EXOC3L1: variants seen among roughly 807,000 people sequenced by gnomAD.
The protein encoded by EXOC3L1 is exocyst complex component 3-like protein.
A neutral mutation model predicts 83.6 loss-of-function variants in EXOC3L1; 79 were observed. The ratio of observed to expected loss-of-function variants is 0.95; its 90% CI spans 0.79 to 1.14. The LOEUF is 1.14. Among genes scored for constraint, EXOC3L1 ranks in the 50% most tolerant of loss-of-function variants. EXOC3L1 has a pLI of 0.00. For missense variants in EXOC3L1, 945 were observed against 972.0 expected (o/e 0.97, Z 0.37); for synonymous variants, 433 against 451.2 (o/e 0.96, Z 0.51).
In EXOC3L1 at chr16:67,184,810, C is replaced by G. The variant is rs746111806; in HGVS notation, c.1906G>C (p.Gly636Arg). The G allele has an allele frequency of 3.1e-6, 5 of 1,603,286 alleles. No individual in the cohort carries two copies. The highest frequency in any genetic ancestry group is 4.2e-6 in the Non-Finnish European group (5 of 1,179,628). Residue 636 changes from glycine to arginine, a missense_variant and splice_region_variant, in exon 13 of 14, where the codon GGC (glycine) becomes CGC (arginine). Transcript: ENST00000314586. ...AQLQQLFLSL[G>R]LEENAHCAPV... ...GCGCAGTGCGCGTTCTCCTCCAGGC[C>G]CTGAGCACGTCGGGGTAGGGTCTCG...
chr16:67,189,788 C>A, intron 1 of EXOC3L1, 105 bp from the exon 2 acceptor site: 1 of 1,169,592 alleles, frequency 8.5e-7, no homozygotes, highest in South Asian at 1.3e-5. Flanking sequence ...GAAGGAGGTT[C>A]TTCCCGGCCC....
In EXOC3L1 at chr16:67,187,311, G is replaced by A; in HGVS notation, c.954C>T (p.Arg318=). ...GCCCTGCAAGGAGGTTCTGCAGGCT[G>A]CGGCGCAAACCACTATGCAGCGTGT... The part of the protein sequence containing the change: ...WAHTLHSGLR[R]SLQNLLAGPE... Residue 318 remains arginine (R), a synonymous_variant, in exon 5 of 14, where the codon CGC becomes CGT. Transcript: ENST00000314586. 6.2e-7 allele frequency: 1 copy of A among 1,612,992 alleles called. No individual in the cohort carries two copies. Among genetic ancestry groups the A allele is most frequent in the Non-Finnish European group, 8.5e-7 (1 of 1,180,014 alleles).
At chr16:67,189,897 CA>C in intron 1 of EXOC3L1, 73 bp downstream of exon 1, 1 of 594,860 alleles carries the variant, frequency 1.7e-6, no homozygotes, top group Non-Finnish European at 3.0e-6. Context: ...TCAAGCGAGA[CA>C]GAGTGGGCAC....
rs375475698 is a variant in EXOC3L1 at position 67,188,732 on chromosome 16, C to T, written c.416G>A (p.Arg139Gln). The change falls in exon 4 of 14, where the codon CGG becomes CAG. Residue 139 changes from arginine (R) to glutamine (Q), a missense_variant. Coordinates refer to ENST00000314586, the MANE Select transcript of EXOC3L1 (RefSeq NM_178516.4). ...QLQALSHLLP[R>Q]LRAVPAAVSH... Reference sequence around the variant, plus strand: ...CCCTGCATGCTCACCTGCCCGCAGCCGAGGCAGCAGGTGAGACAGGGCCTG... The same window carrying T: ...CCCTGCATGCTCACCTGCCCGCAGCTGAGGCAGCAGGTGAGACAGGGCCTG... The T allele has an allele frequency of 5.7e-5, 91 of 1,610,134 alleles. No individual in the cohort carries two copies. The highest frequency in any genetic ancestry group is 8.3e-5 in the Admixed American group (5 of 59,988).
chr16:67,189,915 C>T (rs1359197672), intron 1 of EXOC3L1, 56 bp downstream of exon 1: 3 of 581,144 alleles, frequency 5.2e-6, no homozygotes, highest in African/African-American at 1.9e-5. Flanking sequence ...GCACAGGCCT[C>T]CACTGGACCC....
In EXOC3L1 at chr16:67,184,823, G is replaced by A; in HGVS notation, c.1906-13C>T. On this transcript the variant is annotated splice_polypyrimidine_tract_variant and intron_variant, in intron 12 of 13. Coordinates refer to ENST00000314586, the MANE Select transcript of EXOC3L1 (RefSeq NM_178516.4). The stretch of plus-strand genomic sequence containing the variant: ...TCTCCTCCAGGCCCTGAGCACGTCG[G>A]GGTAGGGTCTCGCGCCAGCCCTCTC... The A allele has an allele frequency of 6.2e-7, 1 of 1,604,686 alleles. No individual in the cohort carries two copies. Among genetic ancestry groups the A allele is most frequent in the Non-Finnish European group, 8.5e-7 (1 of 1,179,706 alleles).
Position 67,190,052 on chromosome 16 carries a change from C to T in EXOC3L1, c.-89G>A, listed in dbSNP as rs532765937. The T allele has an allele frequency of 2.5e-5, 5 of 199,310 alleles. No homozygotes were observed. The highest frequency in any genetic ancestry group is 2.3e-4 in the South Asian group (2 of 8,866). The allele number at this position is 199,310 out of a possible 1,614,324, so 12.3% of individuals were successfully genotyped here. ...GCCCTCTCCCCAATGCAGCTGGGCA[C>T]GCCTGCCACTTGCTCACAGGGCCTG... is the stretch of plus-strand genomic sequence containing the variant. On this transcript the variant is annotated 5_prime_UTR_variant, in exon 1 of 14. In the 5' UTR this introduces an upstream ATG that the reference lacks. Coordinates refer to ENST00000314586, the MANE Select transcript of EXOC3L1 (RefSeq NM_178516.4).
Position 67,188,839 on chromosome 16 carries a change from G to C in EXOC3L1, c.309C>G (p.Ala103=), listed in dbSNP as rs759120262. 1 of 1,613,174 alleles carries C rather than the reference G, an allele frequency of 6.2e-7. No individual in the cohort carries two copies. Among genetic ancestry groups the C allele is most frequent in the East Asian group, 2.2e-5 (1 of 44,900 alleles). The part of the protein sequence containing the change: ...VQGTREALSQ[A]RGLLQGMSQA... ...GGGACATGCCCTGGAGCAACCCACG[G>C]GCCTGGCTCAGGGCCTCCCGGGTTC... Residue 103 remains alanine (A), a synonymous_variant, in exon 4 of 14, where the codon GCC becomes GCG. Coordinates refer to ENST00000314586, the MANE Select transcript of EXOC3L1 (RefSeq NM_178516.4).
chr16:67,184,515 A>C lies in EXOC3L1; in HGVS notation c.2120T>G (p.Leu707Arg), dbSNP rs1307887304. 1 of 1,520,066 alleles carries C rather than the reference A, an allele frequency of 6.6e-7. No homozygotes were observed. The highest frequency in any genetic ancestry group is 1.2e-5 in the South Asian group (1 of 82,286). The allele number at this position is 1,520,066 out of a possible 1,614,324, so 94.2% of individuals were successfully genotyped here. ...LAALSSLQAA[L>R]PPSPRASRRV... ...GCGGCTCGCGCGGGGCGACGGCGGCAGCGCAGCCTGCAGGGAGCTGAGCGC... is the reference window on the plus strand; with the variant it reads ...GCGGCTCGCGCGGGGCGACGGCGGCCGCGCAGCCTGCAGGGAGCTGAGCGC... Residue 707 changes from leucine (L) to arginine (R), a missense_variant, in exon 14 of 14, where the codon CTG becomes CGG. Transcript: ENST00000314586.
Position 67,184,465 on chromosome 16 carries a change from C to G in EXOC3L1, c.2170G>C (p.Ala724Pro). The G allele has an allele frequency of 1.3e-6, 2 of 1,528,900 alleles. No individual in the cohort carries two copies. Among genetic ancestry groups the G allele is most frequent in the Non-Finnish European group, 1.7e-6 (2 of 1,144,038 alleles). 94.7% of individuals were successfully genotyped at this position (1,528,900 alleles called of 1,614,324 possible). A position where few individuals can be genotyped will look rare whatever the true frequency, so the allele number is the denominator to read the frequency against. The change falls in exon 14 of 14, where the codon GCG becomes CCG. Residue 724 changes from alanine to proline, a missense_variant. Ala to Pro is a conservative substitution (Grantham distance 27, BLOSUM62 -1). Coordinates refer to ENST00000314586, the MANE Select transcript of EXOC3L1 (RefSeq NM_178516.4). ...CAGGAGGCCGGCGCGAGCGCGGGCG[C>G]GGGCACTAGGCTGAAGAGGACGCGG... ...SRRVLFSLVP[A>P]PALAPASCLP... is the part of the protein sequence containing the mutation.
In EXOC3L1 at chr16:67,184,456, G is replaced by A; in HGVS notation, c.2179C>T (p.Leu727Phe). The A allele has an allele frequency of 6.5e-7, 1 of 1,528,768 alleles. No individual in the cohort carries two copies. The highest frequency in any genetic ancestry group is 8.7e-7 in the Non-Finnish European group (1 of 1,143,994). 94.7% of individuals were successfully genotyped at this position (1,528,768 alleles called of 1,614,324 possible). The change falls in exon 14 of 14, where the codon CTC becomes TTC. Residue 727 changes from leucine (L) to phenylalanine (F), a missense_variant. Leu to Phe is a conservative substitution (Grantham distance 22). Coordinates refer to ENST00000314586, the MANE Select transcript of EXOC3L1 (RefSeq NM_178516.4). ...VLFSLVPAPA[L>F]APASCLPSGS... ...GAGGGCAGGCAGGAGGCCGGCGCGAGCGCGGGCGCGGGCACTAGGCTGAAG... is the reference window on the plus strand; with the variant it reads ...GAGGGCAGGCAGGAGGCCGGCGCGAACGCGGGCGCGGGCACTAGGCTGAAG...
In EXOC3L1 at chr16:67,189,058, C is replaced by G. The variant is rs1168225180; in HGVS notation, c.169G>C (p.Glu57Gln). ...LARLGQYRSR[E>Q]VQRTCSLESR... ...TCCAGGGAGCAGGTACGCTGCACCT[C>G]GCGGCTGCGGTACTGGCCTAGCCTG... is the stretch of plus-strand genomic sequence containing the variant. Residue 57 changes from glutamate (E) to glutamine (Q), a missense_variant, in exon 3 of 14, where the codon GAG (glutamate) becomes CAG (glutamine). Coordinates refer to ENST00000314586, the MANE Select transcript of EXOC3L1 (RefSeq NM_178516.4). 1.9e-6 allele frequency: 3 copies of G among 1,607,002 alleles called. No homozygotes were observed. Among genetic ancestry groups the G allele is most frequent in the Non-Finnish European group, 1.7e-6 (2 of 1,177,432 alleles).
In EXOC3L1 at chr16:67,187,093, C is replaced by A. The variant is rs2032750280; in HGVS notation, c.1086G>T (p.Val362=). ...GSLELGPEAD[V]SQLEPLLTLE... ...AGGTCAGAAGGGGCTCCAGCTGGGA[C>A]ACATCAGCCTCAGGCCCCAACTCCA... Residue 362 remains valine (V), a synonymous_variant, in exon 6 of 14, where the codon GTG becomes GTT. Coordinates refer to ENST00000314586, the MANE Select transcript of EXOC3L1 (RefSeq NM_178516.4). The A allele has an allele frequency of 1.2e-6, 2 of 1,613,546 alleles. No individual in the cohort carries two copies. The highest frequency in any genetic ancestry group is 1.7e-6 in the Non-Finnish European group (2 of 1,180,022).
chr16:67,188,307 G>A (rs2032786713), intron 4 of EXOC3L1, among the ~76,000 whole-genome samples: 1 of 152,136 alleles, frequency 6.6e-6, no homozygotes, highest in Non-Finnish European at 1.5e-5. Flanking sequence ...AACCAGTAGA[G>A]TACTGGCCAA....
chr16:67,188,166 C>T (rs2032782901), intron 4 of EXOC3L1, among the ~76,000 whole-genome samples: 1 of 152,150 alleles, frequency 6.6e-6, no homozygotes, highest in Admixed American at 6.5e-5. Context: ...ATTGCTTGAA[C>T]CTGGGATATG....
chr16:67,187,510 A>G lies in EXOC3L1; in HGVS notation c.755T>C (p.Leu252Pro). 6.2e-7 allele frequency: 1 copy of G among 1,603,564 alleles called. No homozygotes were observed. ...RDWRQRCLRALQEGLEQAHFG... is the reference protein window; with the variant it reads ...RDWRQRCLRAPQEGLEQAHFG... ...GTGGGCCTGCTCCAGGCCCTCCTGTAGTGCCCTCAGACAGCGCTGACGCCA... is the reference window on the plus strand; with the variant it reads ...GTGGGCCTGCTCCAGGCCCTCCTGTGGTGCCCTCAGACAGCGCTGACGCCA... The change falls in exon 5 of 14, where the codon CTA (leucine) becomes CCA (proline). Residue 252 changes from leucine to proline, a missense_variant. By Grantham distance (98) the Leu-to-Pro change is moderately conservative. Transcript: ENST00000314586.
At position 67,185,227 on chromosome 16, in the gene EXOC3L1, C is replaced by T. The variant is rs375655845; in HGVS notation, c.1658G>A (p.Trp553Ter). The change falls in exon 11 of 14, where the codon TGG becomes TAG. Residue 553 changes from tryptophan (W) to a stop codon, truncating the protein, a stop_gained. Transcript: ENST00000314586. LOFTEE classifies it high-confidence loss of function. ...PLFADLPSRQ[W>*]LSSPELLQSV... Reference sequence around the variant, plus strand: ...TTGCAGGAGCTCAGGGCTCGACAGCCATTGGCGCGAGGGCAGATCCGCGAA... The same window carrying T: ...TTGCAGGAGCTCAGGGCTCGACAGCTATTGGCGCGAGGGCAGATCCGCGAA... 1 of 1,613,432 alleles carries T rather than the reference C, an allele frequency of 6.2e-7. No individual in the cohort carries two copies. The highest frequency in any genetic ancestry group is 8.5e-7 in the Non-Finnish European group (1 of 1,180,014).
At position 67,189,187 on chromosome 16, in the gene EXOC3L1, A is replaced by C; in HGVS notation, c.47-7T>G. On this transcript the variant is annotated splice_region_variant and splice_polypyrimidine_tract_variant and intron_variant, in intron 2 of 13. Coordinates refer to ENST00000314586, the MANE Select transcript of EXOC3L1 (RefSeq NM_178516.4). ...TGCTCTGGCCACTCAGGTCCTGGGA[A>C]GGAAGAGCCTGGGCAGCCGTGTAGT... is the stretch of plus-strand genomic sequence containing the variant. The C allele has an allele frequency of 6.3e-7, 1 of 1,590,510 alleles. No homozygotes were observed. The highest frequency in any genetic ancestry group is 8.6e-7 in the Non-Finnish European group (1 of 1,168,834).
rs112113522 is a variant in EXOC3L1, at chr16:67,185,856, A to AGT, written c.1497-368_1497-367dup. Among the ~76,000 whole-genome samples the AGT allele has an allele frequency of 1.2e-3, 188 of 151,710 alleles. 3 individuals carry two copies. The highest frequency in any genetic ancestry group is 3.4e-3 in the Middle Eastern group (1 of 292). ...AGAACATACCACCCAAGAGGAAGGG[A>AGT]GTGTGTGTGTGTGTGCGTGTATACA... On this transcript the variant is annotated intron_variant, in intron 9 of 13. Transcript: ENST00000314586.
Sources: gnomAD v4.1 joint callset for allele counts (sites outside exome capture counted in the v4.1 genomes callset) on GRCh38, gnomAD v4.1.1 for gene constraint, MANE v1.5 for transcripts, NCBI Gene and HGNC (gene_info 2026-07-23, HGNC 2026-07-21) for gene names.